Variants in LATS1 observed in about 807,000 individuals in gnomAD.
LATS1 encodes the protein serine/threonine-protein kinase LATS1.
LATS1 carries 25 observed loss-of-function variants against 106.6 expected under a neutral mutation model. That is an observed-to-expected ratio of 0.23 (90% confidence interval 0.17 to 0.33). The LOEUF (loss-of-function observed/expected upper bound fraction) is 0.33, where lower values mean the gene tolerates loss of function less well. Ranked by LOEUF, LATS1 falls within the 10% of genes least tolerant of loss-of-function variation. LATS1 has a pLI of 1.00. For synonymous variants in LATS1, 465 were observed against 455.6 expected, an observed-to-expected ratio of 1.02 and a Z score of -0.26; for missense variants, 1,040 against 1,382.6, an observed-to-expected ratio of 0.75 and a Z score of 3.93.
intron 7 of LATS1, among the ~76,000 whole-genome samples, chr6:149,666,189 A>T (rs1227236145): frequency 2.0e-5 from 3 of 151,962 alleles, no homozygotes; most frequent in Non-Finnish European, 4.4e-5. Flanking sequence ...TATTATTCAA[A>T]ATGTCCAGGA....
In LATS1 at chr6:149,659,514, A is replaced by T. The variant is rs910533095; in HGVS notation, c.*2215T>A. 4.4e-6 allele frequency: 1 copy of T among 229,244 alleles called. No homozygotes were observed. Among genetic ancestry groups the T allele is most frequent in the Non-Finnish European group, 8.6e-6 (1 of 115,624 alleles). The allele number at this position is 229,244 out of a possible 1,614,324, so 14.2% of individuals were successfully genotyped here. Reference sequence around the variant, plus strand: ...TTGTAGTGTCTGTTACATTTCAGCAATAGGGGGAATACAGATTTTGTGGGA... The same window carrying T: ...TTGTAGTGTCTGTTACATTTCAGCATTAGGGGGAATACAGATTTTGTGGGA... On this transcript the variant is annotated 3_prime_UTR_variant, in exon 8 of 8. Transcript: ENST00000543571.
At chr6:149,717,520 C>T (rs1784470560) in intron 1 of LATS1, 1 of 153,966 alleles carries the variant, frequency 6.5e-6, no homozygotes, top group Admixed American at 6.5e-5. Context: ...TTCCTTCCCT[C>T]CTGGACACCG....
chr6:149,671,037 TAGCTTTA>T (rs1361057982), intron 7 of LATS1, among the ~76,000 whole-genome samples: 1 of 152,110 alleles, frequency 6.6e-6, no homozygotes, highest in South Asian at 2.1e-4. Flanking sequence ...AAAAGTACTA[TAGCTTTA>T]AGCTTTATCT....
chr6:149,715,043 ATTTT>A (rs1211003599), intron 1 of LATS1, among the ~76,000 whole-genome samples: 2 of 151,916 alleles, frequency 1.3e-5, no homozygotes, highest in African/African-American at 4.8e-5. Context: ...TAGATGTACT[ATTTT>A]TTATTTATTT....
Position 149,697,251 on chromosome 6 carries a change from G to A in LATS1, c.349-2030C>T, listed in dbSNP as rs537802394. 6 of 680,648 alleles carry A rather than the reference G, an allele frequency of 8.8e-6. No homozygotes were observed. The African/African-American group carries it at 9.1e-5, about 10-fold the overall frequency. 42.2% of individuals were successfully genotyped at this position (680,648 alleles called of 1,614,324 possible). On this transcript the variant is annotated intron_variant, in intron 2 of 7. Coordinates refer to ENST00000543571, the MANE Select transcript of LATS1 (RefSeq NM_004690.4). ...AGAAAGGATGTGGTAAGAACTTATT[G>A]CCTACCTAAGGTCATTTCTCCCTTT...
rs537070368 is a variant in LATS1, at chr6:149,693,682, A to C, written c.496+1392T>G. On this transcript the variant is annotated intron_variant, in intron 3 of 7. Transcript: ENST00000543571. ...AATAAACAAATGCAGTGATCAAAGA[A>C]ATGCAAATGTAAAATAAGATGGTGT... 3.9e-5 allele frequency among the ~76,000 whole-genome samples: 6 copies of C among 152,282 alleles called. No individual in the cohort carries two copies. In the South Asian group the frequency reaches 1.2e-3, roughly 32 times the overall value.
intron 1 of LATS1, among the ~76,000 whole-genome samples, chr6:149,702,839 C>CT (rs754378674): frequency 2.0e-5 from 3 of 148,356 alleles, no homozygotes; most frequent in Non-Finnish European, 4.5e-5. Flanking sequence ...GCCCAGCTAA[C>CT]TTTTTTTGTA....
chr6:149,698,295 G>A (rs545693152), intron 2 of LATS1, among the ~76,000 whole-genome samples: 4 of 151,082 alleles, frequency 2.6e-5, no homozygotes, highest in African/African-American at 7.3e-5. Flanking sequence ...CCAGGCTGGA[G>A]TGCAGTGGTG....
intron 1 of LATS1, among the ~76,000 whole-genome samples, chr6:149,707,006 C>T (rs1405696158): frequency 1.4e-5 from 2 of 143,112 alleles, no homozygotes; most frequent in Admixed American, 7.5e-5. Flanking sequence ...CAAAACTGGA[C>T]ATCTCTTTTT....
intron 5 of LATS1, among the ~76,000 whole-genome samples, chr6:149,677,466 C>G (rs1781785273): frequency 6.6e-6 from 1 of 152,136 alleles, no homozygotes; most frequent in Admixed American, 6.5e-5. Flanking sequence ...TAGAAATGGT[C>G]TGCCTTTTAC....
chr6:149,713,287 T>C (rs913262972), intron 1 of LATS1, among the ~76,000 whole-genome samples: 1 of 152,026 alleles, frequency 6.6e-6, no homozygotes, highest in Non-Finnish European at 1.5e-5. Context: ...GTTACCTCAA[T>C]TGTATTATTT....
In LATS1 at chr6:149,714,919, T is replaced by TA. The variant is rs376441211; in HGVS notation, c.-141+2929dup. Among the ~76,000 whole-genome samples, 240 of 152,312 alleles carry TA rather than the reference T, an allele frequency of 1.6e-3. 1 individual carries two copies. Among genetic ancestry groups the TA allele is most frequent in the African/African-American group, 5.4e-3 (226 of 41,586 alleles). ...AGCTTTATGTTTACTTTCTTCCTGC[T>TA]AAAAAATTGCTACTAAATAGATGGC... On this transcript the variant is annotated intron_variant, in intron 1 of 7. Coordinates refer to ENST00000543571, the MANE Select transcript of LATS1 (RefSeq NM_004690.4).
intron 2 of LATS1, chr6:149,697,163 A>T (rs1414249826): frequency 7.5e-7 from 1 of 1,341,878 alleles, no homozygotes; most frequent in East Asian, 4.6e-5. Context: ...TAATGGGTGA[A>T]CAGGCTACTG....
chr6:149,660,560 T>C lies in LATS1; in HGVS notation c.*1169A>G, dbSNP rs1031678051. The C allele has an allele frequency of 4.3e-6, 1 of 232,922 alleles. No individual in the cohort carries two copies. The highest frequency in any genetic ancestry group is 6.1e-5 in the East Asian group (1 of 16,466). 14.4% of individuals were successfully genotyped at this position (232,922 alleles called of 1,614,324 possible). A position where few individuals can be genotyped will look rare whatever the true frequency, so the allele number is the denominator to read the frequency against. On this transcript the variant is annotated 3_prime_UTR_variant, in exon 8 of 8. Transcript: ENST00000543571. ...GAGCCTTTTTCCCCTTCCTAAAAGA[T>C]AAGCTACATGTATTTTGGTATGAAA...
In LATS1 at chr6:149,660,492, A is replaced by G. The variant is rs769605224; in HGVS notation, c.*1237T>C. ...AATCCCTTATCAGTGGAGCTTAAGA[A>G]AAGGAAATAAAACACAACACAAATT... is the stretch of plus-strand genomic sequence containing the variant. On this transcript the variant is annotated 3_prime_UTR_variant, in exon 8 of 8. Coordinates refer to ENST00000543571, the MANE Select transcript of LATS1 (RefSeq NM_004690.4). 56 of 233,020 alleles carry G rather than the reference A, an allele frequency of 2.4e-4. No individual in the cohort carries two copies. The highest frequency in any genetic ancestry group is 3.4e-4 in the Non-Finnish European group (40 of 117,988). The allele number at this position is 233,020 out of a possible 1,614,324, so 14.4% of individuals were successfully genotyped here. A position where few individuals can be genotyped will look rare whatever the true frequency, so the allele number is the denominator to read the frequency against.
chr6:149,705,868 G>T (rs760538871), intron 1 of LATS1, among the ~76,000 whole-genome samples: 1 of 151,914 alleles, frequency 6.6e-6, no homozygotes, highest in African/African-American at 2.4e-5. Context: ...TCACTGTAGC[G>T]GGCTGAATAA....
At position 149,660,307 on chromosome 6, in the gene LATS1, A is replaced by G. The variant is rs917164469; in HGVS notation, c.*1422T>C. 3 of 232,960 alleles carry G rather than the reference A, an allele frequency of 1.3e-5. No homozygotes were observed. The highest frequency in any genetic ancestry group is 6.6e-5 in the African/African-American group (3 of 45,320). 14.4% of individuals were successfully genotyped at this position (232,960 alleles called of 1,614,324 possible). On this transcript the variant is annotated 3_prime_UTR_variant, in exon 8 of 8. Transcript: ENST00000543571. ...AGAAAGGTGGGAAGTGTGGGCTAAT[A>G]AGTGTTCTTTGCCCTAACTCTCCAA...
At chr6:149,687,421 C>G (rs571646046) in intron 3 of LATS1, among the ~76,000 whole-genome samples, 99 of 151,872 alleles carry the variant, frequency 6.5e-4, no homozygotes, top group Non-Finnish European at 1.2e-3. Context: ...CCTACTTTAT[C>G]AGTCCTCCTT....
rs1365702076 is a variant in LATS1, at chr6:149,684,078, T to C, written c.1011A>G (p.Lys337=). 6.2e-7 allele frequency: 1 copy of C among 1,614,156 alleles called. No individual in the cohort carries two copies. Among genetic ancestry groups the C allele is most frequent in the South Asian group, 1.1e-5 (1 of 91,076 alleles). ...CAGGTCTCCCTGATGGAAAGTTAAATTTGCTAGAACTCTGCATGATGATTG... is the reference window on the plus strand; with the variant it reads ...CAGGTCTCCCTGATGGAAAGTTAAACTTGCTAGAACTCTGCATGATGATTG... ...RQPIIMQSSS[K]FNFPSGRPGM... Residue 337 remains lysine (K), a synonymous_variant, in exon 4 of 8, where the codon AAA becomes AAG. Transcript: ENST00000543571.
Sources: gnomAD v4.1 joint callset for allele counts (sites outside exome capture counted in the v4.1 genomes callset) on GRCh38, gnomAD v4.1.1 for gene constraint, MANE v1.5 for transcripts, NCBI Gene and HGNC (gene_info 2026-07-23, HGNC 2026-07-21) for gene names.